The following NXPH1 variants were observed in gnomAD, a reference collection of about 807,000 sequenced individuals.
The protein encoded by NXPH1 is neurexophilin 1, also known as neurexophilin-1.
NXPH1 carries 5 observed loss-of-function variants against 23.7 expected under a neutral mutation model. The ratio of observed to expected loss-of-function variants is 0.21; its 90% CI spans 0.11 to 0.44. The LOEUF (loss-of-function observed/expected upper bound fraction) is 0.44, where lower values mean the gene tolerates loss of function less well. NXPH1 is among the 20% of genes least tolerant of loss of function. NXPH1 has a pLI of 0.99. For missense variants in NXPH1, 324 were observed against 321.6 expected (o/e 1.01, Z -0.06); for synonymous variants, 144 against 122.2 (o/e 1.18, Z -1.18).
chr7:8,639,038 AG>A (rs1239913240), intron 2 of NXPH1, among the ~76,000 whole-genome samples: 2 of 152,208 alleles, frequency 1.3e-5, no homozygotes, highest in African/African-American at 4.8e-5. Context: ...ATGTATAAAA[AG>A]TGCTTAGTTT....
At position 8,542,040 on chromosome 7, in the gene NXPH1, T is replaced by C. The variant is rs536426341; in HGVS notation, c.54+106273T>C. On this transcript the variant is annotated intron_variant, in intron 2 of 2. Coordinates refer to ENST00000405863, the MANE Select transcript of NXPH1 (RefSeq NM_152745.3). ...ATAAATGTAAATAGCCTAAATATTTTAATGAAAAGGCAGATATTGTCAGAT... is the reference window on the plus strand; with the variant it reads ...ATAAATGTAAATAGCCTAAATATTTCAATGAAAAGGCAGATATTGTCAGAT... Among the ~76,000 whole-genome samples, 3 of 151,630 alleles carry C rather than the reference T, an allele frequency of 2.0e-5. No homozygotes were observed. In the East Asian group the frequency reaches 5.9e-4, roughly 30 times the overall value.
At chr7:8,479,865 G>A (rs111411810) in intron 2 of NXPH1, among the ~76,000 whole-genome samples, 18 of 152,214 alleles carry the variant, frequency 1.2e-4, no homozygotes, top group African/African-American at 4.1e-4. Flanking sequence ...GTAGATAACG[G>A]TATTTTAAAA....
chr7:8,499,291 G>A (rs895996295), intron 2 of NXPH1, among the ~76,000 whole-genome samples: 1 of 152,052 alleles, frequency 6.6e-6, no homozygotes, highest in Non-Finnish European at 1.5e-5. Context: ...CAGACAGAAT[G>A]CCCAGGTGAC....
intron 2 of NXPH1, among the ~76,000 whole-genome samples, chr7:8,620,861 A>G (rs1034984079): frequency 2.0e-5 from 3 of 152,212 alleles, no homozygotes; most frequent in African/African-American, 7.2e-5. Context: ...GGATGTTCCA[A>G]TTTGATCTGA....
intron 2 of NXPH1, among the ~76,000 whole-genome samples, chr7:8,504,025 T>A (rs1563329768): frequency 6.6e-6 from 1 of 152,046 alleles, no homozygotes; most frequent in Non-Finnish European, 1.5e-5. Flanking sequence ...AAGTTGCTAT[T>A]CAGTGTTTCC....
intron 2 of NXPH1, among the ~76,000 whole-genome samples, chr7:8,490,819 C>T (rs145505365): frequency 5.9e-4 from 90 of 152,082 alleles, no homozygotes; most frequent in African/African-American, 1.8e-3. Context: ...CACAACAGCC[C>T]CACCTTCCAG....
chr7:8,548,711 A>G (rs947935535), intron 2 of NXPH1, among the ~76,000 whole-genome samples: 2 of 151,522 alleles, frequency 1.3e-5, no homozygotes, highest in African/African-American at 4.8e-5. Context: ...GCTGCTTACT[A>G]TGGGACCTGT....
chr7:8,601,532 G>C (rs899487486), intron 2 of NXPH1, among the ~76,000 whole-genome samples: 3 of 152,126 alleles, frequency 2.0e-5, no homozygotes, highest in Non-Finnish European at 2.9e-5. Flanking sequence ...TCTTCCTCAT[G>C]TGAAGACCAA....
chr7:8,446,806 C>G (rs1418873909), intron 2 of NXPH1, among the ~76,000 whole-genome samples: 1 of 151,446 alleles, frequency 6.6e-6, no homozygotes, highest in Non-Finnish European at 1.5e-5. Flanking sequence ...TTTTTTCTTA[C>G]CTTCCTGGAC....
chr7:8,454,557 G>T (rs2128605941), intron 2 of NXPH1, among the ~76,000 whole-genome samples: 1 of 152,234 alleles, frequency 6.6e-6, no homozygotes, highest in East Asian at 1.9e-4. Flanking sequence ...GGAGCTAGAT[G>T]TAGAAGATTT....
At chr7:8,557,528 C>T (rs1340337260) in intron 2 of NXPH1, among the ~76,000 whole-genome samples, 1 of 151,562 alleles carries the variant, frequency 6.6e-6, no homozygotes, top group African/African-American at 2.4e-5. Flanking sequence ...GGTCTGGTTT[C>T]TTGGTTTGTA....
chr7:8,478,215 C>G (rs891284705), intron 2 of NXPH1, among the ~76,000 whole-genome samples: 4 of 152,068 alleles, frequency 2.6e-5, no homozygotes, highest in African/African-American at 9.7e-5. Context: ...GGTTTCTTAA[C>G]ATTTGATAAG....
intron 2 of NXPH1, among the ~76,000 whole-genome samples, chr7:8,456,945 T>C (rs898912463): frequency 1.2e-4 from 18 of 152,202 alleles, no homozygotes; most frequent in Admixed American, 1.0e-3. Context: ...TCTAACTCTC[T>C]ATCCTTCTTA....
In NXPH1 at chr7:8,623,334, AT is replaced by A. The variant is rs1285263199; in HGVS notation, c.55-127672del. Among the ~76,000 whole-genome samples the A allele has an allele frequency of 2.6e-5, 4 of 152,308 alleles. No individual in the cohort carries two copies. In the East Asian group the frequency reaches 7.7e-4, roughly 29 times the overall value. On this transcript the variant is annotated intron_variant, in intron 2 of 2. Transcript: ENST00000405863. ...AATAACTAACACAAACTACAAAGTG[AT>A]TGGAACAGGTCAGGTCCCCACAAGT...
At chr7:8,695,105 T>G (rs732234) in intron 2 of NXPH1, among the ~76,000 whole-genome samples, 67,450 of 152,120 alleles carry the variant, frequency 0.44, 15,053 homozygotes, top group Non-Finnish European at 0.46. Flanking sequence ...TTGCTGATAT[T>G]ATTCCAAATT....
chr7:8,449,694 T>A (rs147955343), intron 2 of NXPH1, among the ~76,000 whole-genome samples: 34 of 152,342 alleles, frequency 2.2e-4, no homozygotes, highest in African/African-American at 7.9e-4. Context: ...ACCCATGTTA[T>A]GTTTGTGTTG....
intron 2 of NXPH1, among the ~76,000 whole-genome samples, chr7:8,660,277 C>T (rs1820651760): frequency 6.6e-6 from 1 of 152,128 alleles, no homozygotes; most frequent in South Asian, 2.1e-4. Context: ...AAGTAACAGT[C>T]TGAGTAGCAC....
At position 8,444,012 on chromosome 7, in the gene NXPH1, G is replaced by T. The variant is rs142661054; in HGVS notation, c.54+8245G>T. Among the ~76,000 whole-genome samples, 1,495 of 152,326 alleles carry T rather than the reference G, an allele frequency of 9.8e-3. 11 individuals carry two copies. Among genetic ancestry groups the T allele is most frequent in the Non-Finnish European group, 0.016 (1,114 of 68,024 alleles). On this transcript the variant is annotated intron_variant, in intron 2 of 2. Transcript: ENST00000405863. ...ACTGCGGTCACTTAAAGTGCGCCCA[G>T]TTCCTCCACCGCAGCGGTCACACCG...
In NXPH1 at chr7:8,479,046, T is replaced by A. The variant is rs536032796; in HGVS notation, c.54+43279T>A. On this transcript the variant is annotated intron_variant, in intron 2 of 2. Transcript: ENST00000405863. ...ATGGAGATATTGTCATAAGAACTGG[T>A]GATAAGTTAAAAATACTGTTTGTTA... Among the ~76,000 whole-genome samples, 12 of 152,190 alleles carry A rather than the reference T, an allele frequency of 7.9e-5. No homozygotes were observed. In the East Asian group the frequency reaches 2.1e-3, roughly 27 times the overall value.
Sources: gnomAD v4.1 joint callset for allele counts (sites outside exome capture counted in the v4.1 genomes callset) on GRCh38, gnomAD v4.1.1 for gene constraint, MANE v1.5 for transcripts, NCBI Gene and HGNC (gene_info 2026-07-23, HGNC 2026-07-21) for gene names.